Variants in NPSR1 observed in about 807,000 individuals in gnomAD.
NPSR1 encodes neuropeptide S receptor.
NPSR1 carries 48 observed loss-of-function variants against 46.9 expected under a neutral mutation model. The ratio of observed to expected loss-of-function variants is 1.02; its 90% CI spans 0.81 to 1.30. NPSR1 has a LOEUF of 1.30. Ranked by LOEUF, NPSR1 falls within the 50% of genes most tolerant of loss-of-function variation. The pLI, the probability that NPSR1 is intolerant of heterozygous loss-of-function variation, is 0.00. For missense variants in NPSR1, 450 were observed against 449.5 expected (o/e 1.00, Z -0.01); for synonymous variants, 176 against 168.1 (o/e 1.05, Z -0.36).
chr7:34,845,072 C>A, intron 7 of NPSR1, 90 bp downstream of exon 7: 2 of 837,708 alleles, frequency 2.4e-6, no homozygotes, highest in Admixed American at 3.4e-5. Context: ...AAGGAATTTG[C>A]CAGCAGGCAC....
At chr7:34,866,081 A>G (rs1263835545) in intron 8 of NPSR1, among the ~76,000 whole-genome samples, 1 of 151,786 alleles carries the variant, frequency 6.6e-6, no homozygotes, top group Non-Finnish European at 1.5e-5. Flanking sequence ...TGTGCTTGCC[A>G]TGCTTGTAGT....
chr7:34,705,989 T>C (rs28673976), intron 2 of NPSR1, among the ~76,000 whole-genome samples: 58,515 of 150,966 alleles, frequency 0.39, 12,112 homozygotes, highest in African/African-American at 0.52. Context: ...CATTTCTTTA[T>C]GAGCCTTTTT....
intron 8 of NPSR1, among the ~76,000 whole-genome samples, chr7:34,872,292 A>C (rs1429995354): frequency 6.6e-6 from 1 of 151,932 alleles, no homozygotes; most frequent in East Asian, 1.9e-4. Flanking sequence ...CAGCACAGGG[A>C]AGCAAGGCCG....
chr7:34,874,162 C>T (rs1187793945), intron 8 of NPSR1, among the ~76,000 whole-genome samples: 2 of 148,724 alleles, frequency 1.3e-5, no homozygotes, highest in African/African-American at 2.6e-5. Context: ...GGACGGTCCT[C>T]ACCCAGTCAG....
At chr7:34,698,022 G>A (rs1793620041) in intron 2 of NPSR1, among the ~76,000 whole-genome samples, 1 of 152,004 alleles carries the variant, frequency 6.6e-6, no homozygotes, top group African/African-American at 2.4e-5. Context: ...AAAGGAAAAG[G>A]ATGGTAAAGT....
chr7:34,792,972 A>C (rs990602473), intron 3 of NPSR1, among the ~76,000 whole-genome samples: 2 of 151,124 alleles, frequency 1.3e-5, no homozygotes, highest in Admixed American at 6.7e-5. Context: ...AGGATTTGAG[A>C]CCAGGAGTTT....
intron 4 of NPSR1, among the ~76,000 whole-genome samples, chr7:34,823,417 C>CCAAAAAAAAAAA (rs1554336156): frequency 9.6e-6 from 1 of 103,958 alleles, no homozygotes; most frequent in African/African-American, 4.3e-5. Flanking sequence ...AAAAAAAAAA[C>CCAAAAAAAAAAA]AACACCATAA....
At chr7:34,861,716 A>G (rs923158901) in intron 8 of NPSR1, among the ~76,000 whole-genome samples, 2 of 151,732 alleles carry the variant, frequency 1.3e-5, no homozygotes, top group African/African-American at 4.9e-5. Flanking sequence ...TAAGCAGCCT[A>G]CTCCCAAGAG....
chr7:34,662,382 C>G (rs899619151), intron 1 of NPSR1, among the ~76,000 whole-genome samples: 4 of 149,530 alleles, frequency 2.7e-5, no homozygotes, highest in African/African-American at 5.1e-5. Flanking sequence ...ATTAATATAA[C>G]AAAAGCAAAT....
chr7:34,662,232 T>C (rs411791), intron 1 of NPSR1, among the ~76,000 whole-genome samples: 42,829 of 152,020 alleles, frequency 0.28, 7,638 homozygotes, highest in African/African-American at 0.51. Context: ...TTACAAGTGA[T>C]ACACAATTAG....
chr7:34,747,623 TAC>T (rs931582778), intron 2 of NPSR1, among the ~76,000 whole-genome samples: 4 of 109,408 alleles, frequency 3.7e-5, no homozygotes, highest in Non-Finnish European at 4.3e-5. Flanking sequence ...CACACACACA[TAC>T]ACACACACAC....
At chr7:34,875,391 C>T (rs182480969) in intron 8 of NPSR1, among the ~76,000 whole-genome samples, 5 of 152,206 alleles carry the variant, frequency 3.3e-5, no homozygotes, top group Non-Finnish European at 5.9e-5. Context: ...GAGAAGCCCT[C>T]TTCTAAGGGG....
In NPSR1 at chr7:34,844,924, A is replaced by C; in HGVS notation, c.786A>C (p.Arg262=). The part of the protein sequence containing the change: ...SDGKLCSSYN[R]GLISKAKIKA... Reference sequence around the variant, plus strand: ...GGAAACTGTGCAGCAGCTATAACCGAGGACTCATCTCAAAGGCAAAAATCA... The same window carrying C: ...GGAAACTGTGCAGCAGCTATAACCGCGGACTCATCTCAAAGGCAAAAATCA... Residue 262 remains arginine, a synonymous_variant, in exon 7 of 9, where the codon CGA becomes CGC. Coordinates refer to ENST00000360581, the MANE Select transcript of NPSR1 (RefSeq NM_207172.2). The C allele has an allele frequency of 6.2e-7, 1 of 1,612,338 alleles. No homozygotes were observed. The highest frequency in any genetic ancestry group is 8.5e-7 in the Non-Finnish European group (1 of 1,178,352).
intron 3 of NPSR1, among the ~76,000 whole-genome samples, chr7:34,790,854 G>T (rs1404453242): frequency 8.8e-5 from 10 of 113,054 alleles, no homozygotes; most frequent in South Asian, 7.8e-4. Context: ...TATGTTATAT[G>T]TTATGTTATA....
At chr7:34,716,835 C>A (rs1447552801) in intron 2 of NPSR1, among the ~76,000 whole-genome samples, 1 of 152,154 alleles carries the variant, frequency 6.6e-6, no homozygotes, top group Non-Finnish European at 1.5e-5. Flanking sequence ...TAATTCCTTT[C>A]TCAGCCTCTG....
At chr7:34,751,745 T>C (rs1785547361) in intron 2 of NPSR1, 9 of 1,586,660 alleles carry the variant, frequency 5.7e-6, no homozygotes, top group Non-Finnish European at 7.8e-6. Flanking sequence ...CTGGTTCTCT[T>C]CTCTTCTAGC....
At chr7:34,692,603 G>T (rs1562655663) in intron 2 of NPSR1, among the ~76,000 whole-genome samples, 1 of 152,086 alleles carries the variant, frequency 6.6e-6, no homozygotes, top group African/African-American at 2.4e-5. Flanking sequence ...AAGATAGAAA[G>T]ATTTCAAATT....
chr7:34,858,875 C>A (rs558605556), intron 8 of NPSR1, among the ~76,000 whole-genome samples: 45 of 151,788 alleles, frequency 3.0e-4, no homozygotes, highest in Non-Finnish European at 5.4e-4. Context: ...GGGGGGGACA[C>A]AGATCCAAAC....
At chr7:34,807,366 T>G (rs1364463093) in intron 3 of NPSR1, among the ~76,000 whole-genome samples, 1 of 152,180 alleles carries the variant, frequency 6.6e-6, no homozygotes, top group African/African-American at 2.4e-5. Context: ...TCTGTATATT[T>G]TTGTTTATTC....
Sources: gnomAD v4.1 joint callset for allele counts (sites outside exome capture counted in the v4.1 genomes callset) on GRCh38, gnomAD v4.1.1 for gene constraint, MANE v1.5 for transcripts, NCBI Gene and HGNC (gene_info 2026-07-23, HGNC 2026-07-21) for gene names.